CLOCK: variants seen among roughly 807,000 people sequenced by gnomAD.
The protein encoded by CLOCK is circadian locomoter output cycles protein kaput.
Under a neutral mutation model 118.4 loss-of-function variants are expected in CLOCK, and 43 were observed. The observed-to-expected ratio is 0.36, with a 90% CI of 0.28 to 0.47. CLOCK has a LOEUF of 0.47. Ranked by LOEUF, CLOCK falls within the 20% of genes least tolerant of loss-of-function variation. The pLI, the probability that CLOCK is intolerant of heterozygous loss-of-function variation, is 1.00. For synonymous variants in CLOCK, 326 were observed against 339.2 expected (o/e 0.96, Z 0.43); for missense variants, 846 against 999.9 (o/e 0.85, Z 2.08).
chr4:55,534,755 A>G (rs1446419373), intron 1 of CLOCK, among the ~76,000 whole-genome samples: 1 of 136,430 alleles, frequency 7.3e-6, no homozygotes, highest in Admixed American at 7.1e-5. Flanking sequence ...TTAAAGGTAT[A>G]CTAAAAGACT....
At position 55,435,119 on chromosome 4, in the gene CLOCK, T is replaced by C; in HGVS notation, c.*296A>G. 1.0e-5 allele frequency: 4 copies of C among 397,154 alleles called. 1 individual carries two copies. Among genetic ancestry groups the C allele is most frequent in the South Asian group, 6.6e-5 (3 of 45,732 alleles). The allele number at this position is 397,154 out of a possible 1,614,324, so 24.6% of individuals were successfully genotyped here. A position where few individuals can be genotyped will look rare whatever the true frequency, so the allele number is the denominator to read the frequency against. ...TTCTGATTCCCTGGAGGTCATTTCA[T>C]AGCTGAGCTTCTTAATATTTGGCAA... On this transcript the variant is annotated 3_prime_UTR_variant, in exon 23 of 23. Transcript: ENST00000513440.
In CLOCK at chr4:55,495,914, C is replaced by T. The variant is rs145057448; in HGVS notation, c.-135-6449G>A. Among the ~76,000 whole-genome samples, 943 of 152,176 alleles carry T rather than the reference C, an allele frequency of 6.2e-3. 16 individuals are homozygous for T. Among genetic ancestry groups the T allele is most frequent in the African/African-American group, 0.021 (872 of 41,488 alleles). ...TTAAAAAAACAAAAAAACTGCTGGGCGCAGTGGCTCACACCTGTAATCCCA... is the reference window on the plus strand; with the variant it reads ...TTAAAAAAACAAAAAAACTGCTGGGTGCAGTGGCTCACACCTGTAATCCCA... On this transcript the variant is annotated intron_variant, in intron 2 of 22. Coordinates refer to ENST00000513440, the MANE Select transcript of CLOCK (RefSeq NM_004898.4).
chr4:55,472,692 A>C (rs973795683), intron 7 of CLOCK, among the ~76,000 whole-genome samples: 10 of 151,734 alleles, frequency 6.6e-5, no homozygotes, highest in African/African-American at 2.4e-4. Flanking sequence ...TCCTAACTCT[A>C]TGTAATTGAC....
At chr4:55,480,805 G>C (rs1389078171) in intron 4 of CLOCK, among the ~76,000 whole-genome samples, 1 of 151,770 alleles carries the variant, frequency 6.6e-6, no homozygotes, top group South Asian at 2.1e-4. Context: ...GCAGGAGAAT[G>C]GCGTGAACCC....
chr4:55,455,839 G>T, intron 13 of CLOCK, 58 bp downstream of exon 13: 1 of 1,134,554 alleles, frequency 8.8e-7, no homozygotes, highest in Non-Finnish European at 1.3e-6. Context: ...ATCATTTCAG[G>T]ACAGGACTTC....
chr4:55,463,309 G>C (rs1193100296), intron 9 of CLOCK, among the ~76,000 whole-genome samples: 1 of 151,896 alleles, frequency 6.6e-6, no homozygotes, highest in Non-Finnish European at 1.5e-5. Context: ...TCCAGTTTGA[G>C]TGTCCAATTG....
chr4:55,533,681 TCA>T (rs1730699357), intron 1 of CLOCK, among the ~76,000 whole-genome samples: 1 of 151,752 alleles, frequency 6.6e-6, no homozygotes, highest in Admixed American at 6.6e-5. Context: ...GGCAGGTGGA[TCA>T]CCTGAGGTCA....
At chr4:55,533,262 C>T (rs997007302) in intron 1 of CLOCK, among the ~76,000 whole-genome samples, 3 of 152,118 alleles carry the variant, frequency 2.0e-5, no homozygotes, top group Non-Finnish European at 4.4e-5. Context: ...CAGTGTGGTA[C>T]TGACATAAAT....
chr4:55,506,398 A>G (rs1312227354), intron 2 of CLOCK, among the ~76,000 whole-genome samples: 2 of 152,030 alleles, frequency 1.3e-5, no homozygotes, highest in South Asian at 2.1e-4. Context: ...ATCCTGCAAG[A>G]TAAGATTTTA....
intron 2 of CLOCK, among the ~76,000 whole-genome samples, chr4:55,501,879 C>T (rs981559713): frequency 2.6e-5 from 4 of 152,142 alleles, no homozygotes; most frequent in Admixed American, 6.6e-5. Flanking sequence ...TCCACTCTTT[C>T]GGATTATTTG....
At chr4:55,535,238 T>A (rs1730818173) in intron 1 of CLOCK, among the ~76,000 whole-genome samples, 1 of 152,042 alleles carries the variant, frequency 6.6e-6, no homozygotes, top group Non-Finnish European at 1.5e-5. Flanking sequence ...AATGTTTAGG[T>A]TTGTCAAAAC....
intron 21 of CLOCK, among the ~76,000 whole-genome samples, chr4:55,442,021 A>T (rs1208202620): frequency 6.6e-6 from 1 of 152,176 alleles, no homozygotes; most frequent in Non-Finnish European, 1.5e-5. Context: ...CTTTTAATAA[A>T]TGACTATTTG....
intron 1 of CLOCK, among the ~76,000 whole-genome samples, chr4:55,523,140 A>T (rs550772358): frequency 6.7e-6 from 1 of 150,104 alleles, no homozygotes; most frequent in East Asian, 1.9e-4. Context: ...CTAAAAATTA[A>T]AAAAAAAAAA....
intron 6 of CLOCK, 35 bp downstream of exon 6, chr4:55,478,780 A>C: frequency 6.3e-7 from 1 of 1,599,106 alleles, no homozygotes; most frequent in Admixed American, 1.7e-5. Flanking sequence ...TAATGCTTTG[A>C]GAGTCTGTTC....
At position 55,433,495 on chromosome 4, in the gene CLOCK, C is replaced by T. The variant is rs2109609891; in HGVS notation, c.*1920G>A. On this transcript the variant is annotated 3_prime_UTR_variant, in exon 23 of 23. Transcript: ENST00000513440. ...AGTCTTAAGAACTGGCTTAGCATTCCCCTGACCTCTTTACCTAGCAATTCT... is the reference window on the plus strand; with the variant it reads ...AGTCTTAAGAACTGGCTTAGCATTCTCCTGACCTCTTTACCTAGCAATTCT... 6.6e-6 allele frequency: 1 copy of T among 152,310 alleles called. No individual in the cohort carries two copies. Among genetic ancestry groups the T allele is most frequent in the East Asian group, 1.9e-4 (1 of 5,178 alleles). 9.4% of individuals were successfully genotyped at this position (152,310 alleles called of 1,614,324 possible). A position where few individuals can be genotyped will look rare whatever the true frequency, so the allele number is the denominator to read the frequency against.
intron 7 of CLOCK, 147 bp from the exon 8 acceptor site, chr4:55,470,953 A>G: frequency 1.6e-6 from 1 of 626,542 alleles, no homozygotes; most frequent in Non-Finnish European, 2.8e-6. Context: ...CCCCTTTACA[A>G]TACCTTGGTA....
intron 1 of CLOCK, among the ~76,000 whole-genome samples, chr4:55,532,869 G>A (rs1001740529): frequency 2.0e-5 from 3 of 151,580 alleles, no homozygotes; most frequent in Non-Finnish European, 2.9e-5. Flanking sequence ...GGGTCGGGTC[G>A]GGGGGGTAGT....
At chr4:55,517,276 C>T (rs113232306) in intron 1 of CLOCK, among the ~76,000 whole-genome samples, 2 of 152,004 alleles carry the variant, frequency 1.3e-5, no homozygotes, top group Non-Finnish European at 2.9e-5. Flanking sequence ...TTTGGGAGGC[C>T]GAGGTGGGCG....
chr4:55,436,988 C>CTT (rs1432911227), intron 22 of CLOCK, among the ~76,000 whole-genome samples: 31 of 146,766 alleles, frequency 2.1e-4, no homozygotes, highest in African/African-American at 7.5e-4. Flanking sequence ...AGGTCCTCTC[C>CTT]TTTTTTTAGC....
Sources: gnomAD v4.1 joint callset for allele counts (sites outside exome capture counted in the v4.1 genomes callset) on GRCh38, gnomAD v4.1.1 for gene constraint, MANE v1.5 for transcripts, NCBI Gene and HGNC (gene_info 2026-07-23, HGNC 2026-07-21) for gene names.